The following CHST11 variants were observed in gnomAD, a reference collection of about 807,000 sequenced individuals.
CHST11 encodes the protein C4S-1.
Under a neutral mutation model 30.4 loss-of-function variants are expected in CHST11, and 9 were observed. The observed-to-expected ratio is 0.30, with a 90% CI of 0.18 to 0.52. The LOEUF (loss-of-function observed/expected upper bound fraction) is 0.52, where lower values mean the gene tolerates loss of function less well. Ranked by LOEUF, CHST11 falls within the 20% of genes least tolerant of loss-of-function variation. The pLI, the probability that CHST11 is intolerant of heterozygous loss-of-function variation, is 0.97. For missense variants in CHST11, 348 were observed against 460.6 expected, an observed-to-expected ratio of 0.76 and a Z score of 2.24; for synonymous variants, 152 against 187.8, an observed-to-expected ratio of 0.81 and a Z score of 1.56.
intron 1 of CHST11, among the ~76,000 whole-genome samples, 193 bp from the exon 2 acceptor site, chr12:104,601,713 A>G (rs2038958561): frequency 6.6e-6 from 1 of 152,140 alleles, no homozygotes; most frequent in African/African-American, 2.4e-5. Flanking sequence ...GGGTGTGGAG[A>G]TGCCTGAATG....
chr12:104,472,907 G>C (rs1262347678), intron 1 of CHST11, among the ~76,000 whole-genome samples: 7 of 152,152 alleles, frequency 4.6e-5, no homozygotes, highest in African/African-American at 1.7e-4. Flanking sequence ...GGAGAGGAAA[G>C]ACATTCCAGG....
intron 2 of CHST11, among the ~76,000 whole-genome samples, chr12:104,728,173 G>T (rs1174422199): frequency 4.6e-5 from 7 of 152,154 alleles, no homozygotes; most frequent in Non-Finnish European, 1.0e-4. Context: ...TGGGTAAGTG[G>T]TTCCTTTAGA....
chr12:104,693,765 A>T (rs1239408702), intron 2 of CHST11, among the ~76,000 whole-genome samples: 3 of 152,132 alleles, frequency 2.0e-5, no homozygotes, highest in Admixed American at 2.0e-4. Flanking sequence ...AGCCAAAGTG[A>T]AGTACATAGT....
At chr12:104,595,374 A>G (rs193103851) in intron 1 of CHST11, among the ~76,000 whole-genome samples, 1 of 152,256 alleles carries the variant, frequency 6.6e-6, no homozygotes, top group East Asian at 1.9e-4. Context: ...TCCTGGCCTC[A>G]GATTCTTTCC....
In CHST11 at chr12:104,760,110, A is replaced by C. The variant is rs1017397034; in HGVS notation, c.*2307A>C. On this transcript the variant is annotated 3_prime_UTR_variant, in exon 3 of 3. Coordinates refer to ENST00000303694, the MANE Select transcript of CHST11 (RefSeq NM_018413.6). ...CCCCAAAAATAATCCTTGAGTCTGT[A>C]GCATTTCCTGAACTTACATGACCAG... 2 of 152,182 alleles carry C rather than the reference A, an allele frequency of 1.3e-5. No homozygotes were observed. Among genetic ancestry groups the C allele is most frequent in the African/African-American group, 4.8e-5 (2 of 41,426 alleles). 9.4% of individuals were successfully genotyped at this position (152,182 alleles called of 1,614,324 possible).
chr12:104,506,339 A>C (rs941505038), intron 1 of CHST11, among the ~76,000 whole-genome samples: 4 of 152,210 alleles, frequency 2.6e-5, no homozygotes, highest in Non-Finnish European at 5.9e-5. Context: ...GGGTTATATA[A>C]CATCACAAAG....
At chr12:104,610,020 G>T (rs2039042878) in intron 2 of CHST11, among the ~76,000 whole-genome samples, 1 of 150,380 alleles carries the variant, frequency 6.6e-6, no homozygotes, top group Non-Finnish European at 1.5e-5. Flanking sequence ...TTGACGCACT[G>T]ATTTATAAAG....
chr12:104,695,195 A>G (rs2039932874), intron 2 of CHST11, among the ~76,000 whole-genome samples: 1 of 152,122 alleles, frequency 6.6e-6, no homozygotes, highest in Admixed American at 6.5e-5. Flanking sequence ...TGCCTTCCCA[A>G]CTGGCTTGCC....
intron 2 of CHST11, among the ~76,000 whole-genome samples, chr12:104,724,048 T>A (rs541616808): frequency 6.6e-6 from 1 of 152,306 alleles, no homozygotes; most frequent in East Asian, 1.9e-4. Flanking sequence ...GAGTGTGATA[T>A]GATCTGACAT....
chr12:104,503,998 A>T (rs1006612452), intron 1 of CHST11, among the ~76,000 whole-genome samples: 57 of 152,228 alleles, frequency 3.7e-4, no homozygotes, highest in African/African-American at 1.3e-3. Context: ...AATGAGATGT[A>T]AAATGCCTCA....
chr12:104,580,908 T>C (rs893902509), intron 1 of CHST11, among the ~76,000 whole-genome samples: 1 of 152,220 alleles, frequency 6.6e-6, no homozygotes, highest in East Asian at 1.9e-4. Context: ...TTCATATTTC[T>C]TATAATTGTC....
At chr12:104,673,716 T>C (rs541795945) in intron 2 of CHST11, among the ~76,000 whole-genome samples, 1 of 152,300 alleles carries the variant, frequency 6.6e-6, no homozygotes, top group South Asian at 2.1e-4. Flanking sequence ...TCACAAACCG[T>C]TTGTTTCGAC....
intron 2 of CHST11, among the ~76,000 whole-genome samples, chr12:104,633,112 G>A (rs1273896352): frequency 1.3e-5 from 2 of 152,204 alleles, no homozygotes; most frequent in African/African-American, 4.8e-5. Context: ...GGCTTTGCCG[G>A]GAAGCAGGAT....
chr12:104,476,167 G>T (rs1231844467), intron 1 of CHST11, among the ~76,000 whole-genome samples: 1 of 134,400 alleles, frequency 7.4e-6, no homozygotes, highest in African/African-American at 2.7e-5. Flanking sequence ...TAAATAAATA[G>T]AATTATAATT....
chr12:104,592,099 C>CCCTCTTCTCCCCTCCCCTA (rs1565999586), intron 1 of CHST11, among the ~76,000 whole-genome samples: 28 of 147,912 alleles, frequency 1.9e-4, no homozygotes, highest in Non-Finnish European at 7.5e-5. Context: ...CCCCTCCCCT[C>CCCTCTTCTCCCCTCCCCTA]CCCTCTTCTC....
At chr12:104,571,164 A>ATTTT (rs56859963) in intron 1 of CHST11, among the ~76,000 whole-genome samples, 6 of 142,800 alleles carry the variant, frequency 4.2e-5, no homozygotes, top group Non-Finnish European at 6.1e-5. Flanking sequence ...AGGACAGACA[A>ATTTT]TTTTTTTTTT....
intron 2 of CHST11, among the ~76,000 whole-genome samples, chr12:104,613,107 C>T (rs1350945730): frequency 1.3e-5 from 2 of 151,744 alleles, no homozygotes; most frequent in Admixed American, 1.3e-4. Flanking sequence ...TGCCTGTAGC[C>T]CCAGGTACCC....
intron 1 of CHST11, among the ~76,000 whole-genome samples, chr12:104,518,332 A>G (rs1358587375): frequency 4.6e-5 from 7 of 152,150 alleles, no homozygotes; most frequent in Non-Finnish European, 8.8e-5. Context: ...GTTAGCAAGT[A>G]TGACAGGAGC....
chr12:104,520,679 A>G (rs1329243989), intron 1 of CHST11, among the ~76,000 whole-genome samples: 1 of 152,150 alleles, frequency 6.6e-6, no homozygotes, highest in African/African-American at 2.4e-5. Flanking sequence ...CCTGAGCATC[A>G]AGCTGGTGCA....
Sources: allele counts gnomAD v4.1 joint callset (sites outside exome capture counted in the v4.1 genomes callset), GRCh38; gene constraint gnomAD v4.1.1; transcripts MANE v1.5; gene names NCBI Gene and HGNC (gene_info 2026-07-23, HGNC 2026-07-21).